TTC28: variants seen among roughly 807,000 people sequenced by gnomAD.
The protein encoded by TTC28 is tetratricopeptide repeat domain 28.
TTC28 carries 61 observed loss-of-function variants against 198.0 expected under a neutral mutation model. The ratio of observed to expected loss-of-function variants is 0.31; its 90% CI spans 0.25 to 0.38. The LOEUF (loss-of-function observed/expected upper bound fraction) is 0.38. TTC28 is among the 10% of genes least tolerant of loss of function. The pLI is 1.00. For synonymous variants in TTC28, 1,171 were observed against 1,297.8 expected, an observed-to-expected ratio of 0.90 and a Z score of 2.10; for missense variants, 2,678 against 3,164.0, an observed-to-expected ratio of 0.85 and a Z score of 3.69.
At chr22:27,984,383 T>C (rs1047809321) in intron 22 of TTC28, among the ~76,000 whole-genome samples, 3 of 152,114 alleles carry the variant, frequency 2.0e-5, no homozygotes, top group Non-Finnish European at 4.4e-5. Flanking sequence ...AGGTCCACAC[T>C]GCCAAATCCA....
chr22:28,634,000 T>C (rs1463329537), intron 1 of TTC28, among the ~76,000 whole-genome samples: 1 of 152,068 alleles, frequency 6.6e-6, no homozygotes, highest in Non-Finnish European at 1.5e-5. Flanking sequence ...ATACCATGGA[T>C]GAGTCAGTAC....
intron 6 of TTC28, among the ~76,000 whole-genome samples, chr22:28,138,963 C>T (rs1479552502): frequency 1.3e-5 from 2 of 151,410 alleles, no homozygotes; most frequent in African/African-American, 4.9e-5. Context: ...CAAATATAAG[C>T]ATGAATCACA....
At chr22:28,227,310 G>C (rs950957852) in intron 5 of TTC28, among the ~76,000 whole-genome samples, 1 of 152,140 alleles carries the variant, frequency 6.6e-6, no homozygotes, top group Non-Finnish European at 1.5e-5. Flanking sequence ...TTGAGGAAAA[G>C]CTTCGTGACA....
chr22:28,084,086 C>T (rs1381405793), intron 12 of TTC28, among the ~76,000 whole-genome samples: 1 of 152,256 alleles, frequency 6.6e-6, no homozygotes, highest in African/African-American at 2.4e-5. Context: ...CCTCTGGGGG[C>T]AGGGCACAGA....
Position 28,105,421 on chromosome 22 carries a change from C to T in TTC28, c.3165G>A (p.Arg1055=), listed in dbSNP as rs200122007. 9.5e-4 allele frequency: 1,477 copies of T among 1,551,698 alleles called. 2 individuals carry two copies. Among genetic ancestry groups the T allele is most frequent in the Non-Finnish European group, 1.2e-3 (1,339 of 1,146,992 alleles). Residue 1055 remains arginine (R), a synonymous_variant, in exon 8 of 23, where the codon AGG becomes AGA. Coordinates refer to ENST00000397906, the MANE Select transcript of TTC28 (RefSeq NM_001145418.2). ...AGTGCTGTTCTTGATAGACCACAGC[C>T]CTCTCGAAGGTGCCCAGGGATTCAT... is the stretch of plus-strand genomic sequence containing the variant. ...LTYESLGTFE[R]AVVYQEQHLS... is the part of the protein sequence containing the mutation.
intron 5 of TTC28, among the ~76,000 whole-genome samples, chr22:28,217,133 T>G (rs1927469518): frequency 6.6e-6 from 1 of 152,140 alleles, no homozygotes; most frequent in Non-Finnish European, 1.5e-5. Flanking sequence ...AGCATATTCA[T>G]TAGGTGGTAT....
chr22:28,465,897 A>G (rs2048012958), intron 2 of TTC28, among the ~76,000 whole-genome samples: 1 of 152,156 alleles, frequency 6.6e-6, no homozygotes, highest in South Asian at 2.1e-4. Context: ...CCATATTCCA[A>G]CCAGGAGGAA....
chr22:27,983,672 C>A lies in TTC28; in HGVS notation c.5995G>T (p.Ala1999Ser). The change falls in exon 23 of 23, where the codon GCC (alanine) becomes TCC (serine). Residue 1999 changes from alanine (A) to serine (S), a missense_variant. Ala to Ser is a moderately conservative substitution (Grantham distance 99, BLOSUM62 1). This residue lies in a region of TTC28 where 622 missense variants were observed against 656.0 expected (regional missense o/e 0.95). Coordinates refer to ENST00000397906, the MANE Select transcript of TTC28 (RefSeq NM_001145418.2). The part of the protein sequence containing the change: ...AISVYSLSSI[A>S]SSMSFVSKPE... The stretch of plus-strand genomic sequence containing the variant: ...TTGGAGACAAAGCTCATTGAGGAGG[C>A]AATGGAGCTCAGACTGTACACAGAG... 6.5e-7 allele frequency: 1 copy of A among 1,546,160 alleles called. No individual in the cohort carries two copies. The highest frequency in any genetic ancestry group is 8.7e-7 in the Non-Finnish European group (1 of 1,144,708).
chr22:28,586,646 TG>T (rs58689813), intron 2 of TTC28, among the ~76,000 whole-genome samples: 1,524 of 152,296 alleles, frequency 0.01, 37 homozygotes, highest in African/African-American at 0.035. Flanking sequence ...ACTGATCTTT[TG>T]GCATAGTCAC....
intron 12 of TTC28, among the ~76,000 whole-genome samples, chr22:28,039,708 G>C (rs191317052): frequency 9.9e-5 from 15 of 152,150 alleles, no homozygotes; most frequent in Admixed American, 9.8e-4. Context: ...AAATTCAAAA[G>C]CTAGCAGAAG....
intron 16 of TTC28, among the ~76,000 whole-genome samples, chr22:27,996,884 A>G (rs895951593): frequency 1.1e-4 from 17 of 152,026 alleles, no homozygotes; most frequent in African/African-American, 4.1e-4. Context: ...GTAACAAGAG[A>G]GCATCACTAA....
intron 2 of TTC28, among the ~76,000 whole-genome samples, chr22:28,562,338 G>A (rs1334436816): frequency 6.6e-6 from 1 of 152,132 alleles, no homozygotes; most frequent in Admixed American, 6.6e-5. Context: ...AAAAGTATAG[G>A]TGTTTGAGCA....
Position 28,294,422 on chromosome 22 carries a change from A to T in TTC28, c.933+1776T>A, listed in dbSNP as rs570422128. 3.4e-4 allele frequency among the ~76,000 whole-genome samples: 51 copies of T among 152,212 alleles called. 1 individual carries two copies. Among genetic ancestry groups the T allele is most frequent in the Non-Finnish European group, 6.6e-4 (45 of 68,032 alleles). On this transcript the variant is annotated intron_variant, in intron 5 of 22. Coordinates refer to ENST00000397906, the MANE Select transcript of TTC28 (RefSeq NM_001145418.2). ...TAACATCTATAATATAACATCTATG[A>T]TATCATAGAGAATGTCCTACAATGA...
chr22:28,019,221 T>TA (rs1938496161), intron 13 of TTC28, among the ~76,000 whole-genome samples: 1 of 152,212 alleles, frequency 6.6e-6, no homozygotes, highest in South Asian at 2.1e-4. Flanking sequence ...AGGGTTGGGC[T>TA]AAAGTTCTTG....
chr22:28,304,850 G>GA lies in TTC28; in HGVS notation c.529+1645dup, dbSNP rs964961971. On this transcript the variant is annotated intron_variant, in intron 3 of 22. Transcript: ENST00000397906. Reference sequence around the variant, plus strand: ...GTGGAGGGGTGTAGGGAGAGAACAAGAAAAAACTAGAAAATGGAAAGGAGA... The same window carrying GA: ...GTGGAGGGGTGTAGGGAGAGAACAAGAAAAAAACTAGAAAATGGAAAGGAGA... Among the ~76,000 whole-genome samples the GA allele has an allele frequency of 1.8e-4, 28 of 151,968 alleles. 1 individual carries two copies. Among genetic ancestry groups the GA allele is most frequent in the Admixed American group, 1.6e-3 (24 of 15,266 alleles).
chr22:28,610,694 A>G (rs1215235532), intron 2 of TTC28, among the ~76,000 whole-genome samples: 1 of 152,206 alleles, frequency 6.6e-6, no homozygotes, highest in Non-Finnish European at 1.5e-5. Context: ...CTCACCAGCA[A>G]GGGAACAAAA....
intron 2 of TTC28, among the ~76,000 whole-genome samples, chr22:28,586,381 A>C (rs1183877124): frequency 2.0e-5 from 3 of 152,036 alleles, no homozygotes; most frequent in Non-Finnish European, 4.4e-5. Context: ...TAATAAAATC[A>C]ATAATATATA....
Position 28,208,054 on chromosome 22 carries a change from C to A in TTC28, c.934-44455G>T, listed in dbSNP as rs1206160888. Among the ~76,000 whole-genome samples, 7 of 152,234 alleles carry A rather than the reference C, an allele frequency of 4.6e-5. No homozygotes were observed. In the East Asian group the frequency reaches 1.4e-3, roughly 29 times the overall value. ...GTCCTATACCTATGATCACTAAACC[C>A]AGAACCTATAGTAGGTATATGCTTT... is the stretch of plus-strand genomic sequence containing the variant. On this transcript the variant is annotated intron_variant, in intron 5 of 22. Coordinates refer to ENST00000397906, the MANE Select transcript of TTC28 (RefSeq NM_001145418.2).
At chr22:28,201,469 T>A (rs1347717091) in intron 5 of TTC28, among the ~76,000 whole-genome samples, 1 of 151,798 alleles carries the variant, frequency 6.6e-6, no homozygotes, top group Non-Finnish European at 1.5e-5. Context: ...ACCTGAAGAA[T>A]CAGTAAGAAT....
Sources: gnomAD v4.1 joint callset for allele counts (sites outside exome capture counted in the v4.1 genomes callset) on GRCh38, gnomAD v4.1.1 for gene constraint, gnomAD v4.1.1 regional missense constraint, MANE v1.5 for transcripts, NCBI Gene and HGNC (gene_info 2026-07-23, HGNC 2026-07-21) for gene names.